Variants in SGCZ observed in about 807,000 individuals in gnomAD.
SGCZ encodes zeta-sarcoglycan.
SGCZ carries 40 observed loss-of-function variants against 41.3 expected under a neutral mutation model. The ratio of observed to expected loss-of-function variants is 0.97; its 90% confidence interval spans 0.75 to 1.26. SGCZ has a LOEUF of 1.26. Among genes scored for constraint, SGCZ ranks in the 50% most tolerant of loss-of-function variants. SGCZ has a pLI of 0.00. For missense variants in SGCZ, 552 were observed against 369.8 expected (o/e 1.49, Z -4.04); for synonymous variants, 206 against 137.5 (o/e 1.50, Z -3.49).
At chr8:14,316,952 C>T (rs1801739309) in intron 3 of SGCZ, among the ~76,000 whole-genome samples, 1 of 151,856 alleles carries the variant, frequency 6.6e-6, no homozygotes, top group African/African-American at 2.4e-5. Flanking sequence ...TCCTAACCTA[C>T]CCCCACCCCT....
intron 1 of SGCZ, among the ~76,000 whole-genome samples, chr8:15,128,067 A>C (rs554992305): frequency 6.6e-6 from 1 of 152,316 alleles, no homozygotes; most frequent in East Asian, 1.9e-4. Flanking sequence ...GGTTTTCTTT[A>C]AGAAGAGACC....
intron 2 of SGCZ, among the ~76,000 whole-genome samples, chr8:14,400,397 T>A (rs1799038459): frequency 6.6e-6 from 1 of 152,114 alleles, no homozygotes; most frequent in Non-Finnish European, 1.5e-5. Context: ...TTGTAGCTAT[T>A]CACAAAGTTG....
intron 2 of SGCZ, among the ~76,000 whole-genome samples, chr8:14,403,536 A>C (rs180836103): frequency 6.6e-6 from 1 of 152,138 alleles, no homozygotes; most frequent in South Asian, 2.1e-4. Flanking sequence ...TTCTGCATCT[A>C]TTGAGATAAC....
intron 1 of SGCZ, among the ~76,000 whole-genome samples, chr8:14,724,623 T>A (rs1355485929): frequency 6.6e-6 from 1 of 151,646 alleles, no homozygotes; most frequent in South Asian, 2.1e-4. Context: ...TCAGAGTGAA[T>A]ATAAAATAAG....
intron 7 of SGCZ, among the ~76,000 whole-genome samples, chr8:14,098,298 A>AT (rs1210261403): frequency 3.3e-5 from 5 of 152,160 alleles, no homozygotes; most frequent in African/African-American, 4.8e-5. Flanking sequence ...AATTTGTTCT[A>AT]TTTTTTTAAG....
intron 1 of SGCZ, among the ~76,000 whole-genome samples, chr8:14,974,127 C>T (rs760177534): frequency 3.9e-5 from 6 of 152,156 alleles, no homozygotes; most frequent in Non-Finnish European, 8.8e-5. Context: ...AGCTTTGAAA[C>T]TGCCTATAAT....
chr8:15,122,787 T>C (rs753749457), intron 1 of SGCZ, among the ~76,000 whole-genome samples: 2 of 152,350 alleles, frequency 1.3e-5, no homozygotes, highest in Middle Eastern at 3.4e-3. Flanking sequence ...CAGTTCCTGT[T>C]GGTTCAATTT....
intron 5 of SGCZ, among the ~76,000 whole-genome samples, chr8:14,121,458 C>T (rs576309633): frequency 2.0e-5 from 3 of 152,038 alleles, no homozygotes; most frequent in South Asian, 2.1e-4. Context: ...TTAAAGTACC[C>T]GTTTAATTAA....
chr8:15,000,821 T>C (rs997498204), intron 1 of SGCZ, among the ~76,000 whole-genome samples: 10 of 152,328 alleles, frequency 6.6e-5, no homozygotes, highest in African/African-American at 2.4e-4. Context: ...ACCCGCTTTT[T>C]GGATGTCTGT....
intron 1 of SGCZ, among the ~76,000 whole-genome samples, chr8:15,058,722 C>T (rs1055290050): frequency 2.0e-4 from 30 of 152,236 alleles, no homozygotes; most frequent in African/African-American, 6.7e-4. Flanking sequence ...TTTTTGTGTT[C>T]GCTTAGGATC....
intron 2 of SGCZ, among the ~76,000 whole-genome samples, chr8:14,344,780 G>C (rs909204017): frequency 6.6e-6 from 1 of 151,934 alleles, no homozygotes; most frequent in Non-Finnish European, 1.5e-5. Flanking sequence ...AGCTACAAAT[G>C]AAAATATAAA....
At chr8:14,933,581 G>A (rs1180549923) in intron 1 of SGCZ, among the ~76,000 whole-genome samples, 1 of 151,712 alleles carries the variant, frequency 6.6e-6, no homozygotes, top group Non-Finnish European at 1.5e-5. Flanking sequence ...ACAGGCGCCT[G>A]CCACCACACT....
chr8:14,274,938 A>T (rs1800177742), intron 3 of SGCZ, among the ~76,000 whole-genome samples: 1 of 152,154 alleles, frequency 6.6e-6, no homozygotes, highest in South Asian at 2.1e-4. Context: ...TGGCAAACTC[A>T]CTTCCTATCT....
At chr8:14,705,520 C>G (rs17268635) in intron 1 of SGCZ, among the ~76,000 whole-genome samples, 2,655 of 152,020 alleles carry the variant, frequency 0.017, 25 homozygotes, top group Non-Finnish European at 0.025. Context: ...CAAACCTTGT[C>G]TCCGATGACT....
chr8:15,138,421 A>C (rs1381225131), intron 1 of SGCZ, among the ~76,000 whole-genome samples: 1 of 152,050 alleles, frequency 6.6e-6, no homozygotes, highest in African/African-American at 2.4e-5. Context: ...TGAGATTTTA[A>C]AGGGGCCAAG....
At chr8:15,005,821 T>C (rs1432163193) in intron 1 of SGCZ, among the ~76,000 whole-genome samples, 1 of 152,188 alleles carries the variant, frequency 6.6e-6, no homozygotes, top group Non-Finnish European at 1.5e-5. Flanking sequence ...AATAAAATAG[T>C]TCTGACCTTA....
intron 1 of SGCZ, among the ~76,000 whole-genome samples, chr8:14,974,201 A>C (rs976632286): frequency 1.3e-5 from 2 of 152,230 alleles, no homozygotes; most frequent in Non-Finnish European, 2.9e-5. Flanking sequence ...AGTAGTATAA[A>C]TTACACAACA....
intron 1 of SGCZ, among the ~76,000 whole-genome samples, chr8:15,002,341 A>G (rs1218462384): frequency 6.6e-6 from 1 of 152,234 alleles, no homozygotes; most frequent in Non-Finnish European, 1.5e-5. Context: ...TATAGAATAC[A>G]GATTGCACGG....
intron 1 of SGCZ, among the ~76,000 whole-genome samples, chr8:14,997,978 C>T (rs905832584): frequency 6.6e-6 from 1 of 151,958 alleles, no homozygotes; most frequent in Non-Finnish European, 1.5e-5. Context: ...AAAAAAAAAT[C>T]CTAGTCATGT....
Sources: gnomAD v4.1 joint callset for allele counts (sites outside exome capture counted in the v4.1 genomes callset) on GRCh38, gnomAD v4.1.1 for gene constraint, MANE v1.5 for transcripts, NCBI Gene and HGNC (gene_info 2026-07-23, HGNC 2026-07-21) for gene names.